The following C1GALT1 variants were observed in gnomAD, a reference collection of about 807,000 sequenced individuals.
The protein encoded by C1GALT1 is glycoprotein-N-acetylgalactosamine 3-beta-galactosyltransferase 1.
A neutral mutation model predicts 31.0 loss-of-function variants in C1GALT1; 11 were observed. That is an observed-to-expected ratio of 0.36 (90% CI 0.22 to 0.59). The LOEUF (loss-of-function observed/expected upper bound fraction) is 0.59. C1GALT1 is among the 20% of genes least tolerant of loss of function. The probability of loss-of-function intolerance (pLI) is 0.79; values close to 1 mark genes in which losing one functional copy is unlikely to be tolerated. For missense variants in C1GALT1, 424 were observed against 425.2 expected (o/e 1.00, Z 0.03); for synonymous variants, 175 against 143.6 (o/e 1.22, Z -1.56).
intron 1 of C1GALT1, among the ~76,000 whole-genome samples, chr7:7,220,849 T>A (rs1047396718): frequency 2.0e-5 from 3 of 152,174 alleles, no homozygotes; most frequent in African/African-American, 7.2e-5. Flanking sequence ...TGTTGCATAG[T>A]TTGAGTATAA....
chr7:7,241,882 C>G (rs1783644665), intron 3 of C1GALT1, among the ~76,000 whole-genome samples: 1 of 151,672 alleles, frequency 6.6e-6, no homozygotes, highest in African/African-American at 2.4e-5. Flanking sequence ...CCTGGCCATC[C>G]AGTAAAATAT....
chr7:7,168,654 C>T (rs1780422655), intron 2 of C1GALT1, among the ~76,000 whole-genome samples: 1 of 152,158 alleles, frequency 6.6e-6, no homozygotes, highest in South Asian at 2.1e-4. Context: ...CAAGATTACT[C>T]AGTTCCTTTT....
intron 1 of C1GALT1, among the ~76,000 whole-genome samples, chr7:7,203,578 A>G (rs1049634480): frequency 8.6e-5 from 13 of 151,956 alleles, no homozygotes; most frequent in African/African-American, 3.1e-4. Flanking sequence ...ATCTTTTAAT[A>G]TGCTGCTGAA....
intron 1 of C1GALT1, among the ~76,000 whole-genome samples, chr7:7,209,875 T>C (rs1781913776): frequency 6.6e-6 from 1 of 152,080 alleles, no homozygotes; most frequent in African/African-American, 2.4e-5. Context: ...AAACGGCCTA[T>C]TTATAAAAAT....
chr7:7,232,457 TTGAGAAATG>T (rs1369163459), intron 1 of C1GALT1, among the ~76,000 whole-genome samples: 1 of 151,654 alleles, frequency 6.6e-6, no homozygotes, highest in Non-Finnish European at 1.5e-5. Context: ...GGTGAAGAGT[TTGAGAAATG>T]TAATGGAAAG....
intron 1 of C1GALT1, among the ~76,000 whole-genome samples, chr7:7,200,641 C>T (rs892967956): frequency 1.3e-5 from 2 of 152,160 alleles, no homozygotes; most frequent in South Asian, 2.1e-4. Context: ...ACCAATAAGA[C>T]GTAGATTTGG....
intron 1 of C1GALT1, among the ~76,000 whole-genome samples, chr7:7,228,036 GT>G (rs1376604858): frequency 1.3e-5 from 2 of 152,068 alleles, no homozygotes; most frequent in Admixed American, 6.5e-5. Flanking sequence ...GTGACTCTCT[GT>G]GTCTGAATTC....
At chr7:7,202,136 G>A (rs1232075997) in intron 1 of C1GALT1, among the ~76,000 whole-genome samples, 1 of 152,220 alleles carries the variant, frequency 6.6e-6, no homozygotes, top group Non-Finnish European at 1.5e-5. Flanking sequence ...CAGTGAGGAT[G>A]TGTGTTCAGA....
chr7:7,241,256 T>C (rs1271034010), intron 3 of C1GALT1, among the ~76,000 whole-genome samples: 2 of 152,060 alleles, frequency 1.3e-5, no homozygotes, highest in Non-Finnish European at 2.9e-5. Context: ...AATTGTTAAC[T>C]AATTATTCTA....
chr7:7,197,094 T>G (rs574811135), intron 1 of C1GALT1, among the ~76,000 whole-genome samples: 1 of 152,346 alleles, frequency 6.6e-6, no homozygotes, highest in East Asian at 1.9e-4. Context: ...GCTTTTGGTG[T>G]TTTAGTCATG....
At chr7:7,168,543 T>G (rs568216019) in intron 2 of C1GALT1, among the ~76,000 whole-genome samples, 87 of 152,324 alleles carry the variant, frequency 5.7e-4, no homozygotes, top group African/African-American at 2.0e-3. Context: ...AGAGATTACT[T>G]CCAGCAATCT....
Position 7,197,501 on chromosome 7 carries a change from C to T in C1GALT1, c.-18+14681C>T, listed in dbSNP as rs572232552. Among the ~76,000 whole-genome samples, 13 of 152,166 alleles carry T rather than the reference C, an allele frequency of 8.5e-5. No individual in the cohort carries two copies. The South Asian group carries it at 2.5e-3, about 29-fold the overall frequency. Reference sequence around the variant, plus strand: ...GATGCCTCCAGCTTTGTTTTTTTGGCTTAGGATTGTCTTGGCAATGCGGGC... The same window carrying T: ...GATGCCTCCAGCTTTGTTTTTTTGGTTTAGGATTGTCTTGGCAATGCGGGC... On this transcript the variant is annotated intron_variant, in intron 1 of 3. Coordinates refer to ENST00000436587, the MANE Select transcript of C1GALT1 (RefSeq NM_020156.5).
At chr7:7,223,351 T>TG (rs1460976480) in intron 1 of C1GALT1, among the ~76,000 whole-genome samples, 1 of 152,020 alleles carries the variant, frequency 6.6e-6, no homozygotes, top group Non-Finnish European at 1.5e-5. Context: ...TTAGTAGAGA[T>TG]GGGGTTTCTC....
chr7:7,224,088 A>T (rs543354683), intron 1 of C1GALT1, among the ~76,000 whole-genome samples: 1 of 152,204 alleles, frequency 6.6e-6, no homozygotes, highest in South Asian at 2.1e-4. Context: ...CCATCCTTAC[A>T]TACTCAGAAT....
intron 1 of C1GALT1, among the ~76,000 whole-genome samples, chr7:7,200,815 C>A (rs141957309): frequency 0.016 from 2,452 of 152,288 alleles, 60 homozygotes; most frequent in African/African-American, 0.055. Context: ...GCATGCATCA[C>A]GTAGTTCTTG....
chr7:7,200,317 T>A (rs1781480726), intron 1 of C1GALT1, among the ~76,000 whole-genome samples: 1 of 152,234 alleles, frequency 6.6e-6, no homozygotes, highest in Non-Finnish European at 1.5e-5. Flanking sequence ...TTTGGCTGGA[T>A]ATGAAATTCT....
intron 1 of C1GALT1, among the ~76,000 whole-genome samples, chr7:7,231,111 G>A (rs186836942): frequency 7.2e-5 from 11 of 152,196 alleles, no homozygotes; most frequent in Admixed American, 3.9e-4. Flanking sequence ...CATTCTTGAA[G>A]GACATTTTTG....
intron 3 of C1GALT1, among the ~76,000 whole-genome samples, chr7:7,243,317 C>T (rs1249578274): frequency 6.6e-6 from 1 of 152,108 alleles, no homozygotes; most frequent in Non-Finnish European, 1.5e-5. Flanking sequence ...CTTGGTTTCA[C>T]CAATTTCAAT....
intron 1 of C1GALT1, among the ~76,000 whole-genome samples, chr7:7,215,366 A>G (rs1782189058): frequency 6.6e-6 from 1 of 152,196 alleles, no homozygotes; most frequent in Admixed American, 6.5e-5. Flanking sequence ...ATAAACAATG[A>G]TCCTTATTAT....
Sources: allele counts gnomAD v4.1 joint callset (sites outside exome capture counted in the v4.1 genomes callset), GRCh38; gene constraint gnomAD v4.1.1; transcripts MANE v1.5; gene names NCBI Gene and HGNC (gene_info 2026-07-23, HGNC 2026-07-21).